The following UMODL1 variants were observed in gnomAD, a reference collection of about 807,000 sequenced individuals.
UMODL1 encodes the protein uromodulin like 1.
A neutral mutation model predicts 136.3 loss-of-function variants in UMODL1; 128 were observed. That is an observed-to-expected ratio of 0.94 (90% confidence interval 0.81 to 1.09). The LOEUF (loss-of-function observed/expected upper bound fraction) is 1.09. Ranked by LOEUF, UMODL1 falls within the 50% of genes least tolerant of loss-of-function variation. UMODL1 has a pLI of 0.00. For synonymous variants in UMODL1, 721 were observed against 720.0 expected, an observed-to-expected ratio of 1.00 and a Z score of -0.02; for missense variants, 1,766 against 1,725.6, an observed-to-expected ratio of 1.02 and a Z score of -0.41.
exon 1 of UMODL1, chr21:42,063,035 C>T (rs2066154658): frequency 6.6e-6 from 1 of 152,268 alleles, no homozygotes; most frequent in Non-Finnish European, 1.5e-5. Context: ...CCCTTCCTGG[C>T]ATCCCGGGCT....
At chr21:42,115,296 G>C (rs1024032976) in intron 13 of UMODL1, among the ~76,000 whole-genome samples, 1 of 152,220 alleles carries the variant, frequency 6.6e-6, no homozygotes, top group Non-Finnish European at 1.5e-5. Flanking sequence ...AGCCCTCTGC[G>C]GAGGGAAAAG....
chr21:42,092,292 G>A (rs2066500908), intron 6 of UMODL1, among the ~76,000 whole-genome samples: 1 of 152,194 alleles, frequency 6.6e-6, no homozygotes, highest in African/African-American at 2.4e-5. Context: ...TGGACTCCCA[G>A]GGGGTCTCTC....
At position 42,099,051 on chromosome 21, in the gene UMODL1, C is replaced by T; in HGVS notation, c.1057C>T (p.Leu353Phe). Residue 353 changes from leucine to phenylalanine, a missense_variant, in exon 7 of 23, where the codon CTC becomes TTC. By Grantham distance (22) the Leu-to-Phe change is conservative (BLOSUM62 0). Coordinates refer to ENST00000408910, the MANE Select transcript of UMODL1 (RefSeq NM_001004416.3). The surrounding 1 kb of genome is among the most constrained non-coding windows in gnomAD (Gnocchi z 4.1). ...CCGGGTTTACCGGGGTATGGAGTTG[C>T]TCAGGAGCGCCAGGACACAGAGCCA... ...HVRVYRGMEL[L>F]RSARTQSQAL... The T allele has an allele frequency of 1.9e-6, 3 of 1,614,198 alleles. No individual in the cohort carries two copies. The highest frequency in any genetic ancestry group is 2.5e-6 in the Non-Finnish European group (3 of 1,180,050).
rs2066417491 is a variant in UMODL1, at chr21:42,085,608, ATGCACACAACTGAAGCGTG to A, written c.603+198_603+216del. 1.3e-6 allele frequency: 1 copy of A among 761,096 alleles called. No individual in the cohort carries two copies. Among genetic ancestry groups the A allele is most frequent in the African/African-American group, 1.8e-5 (1 of 57,040 alleles). 47.1% of individuals were successfully genotyped at this position (761,096 alleles called of 1,614,324 possible). On this transcript the variant is annotated intron_variant, in intron 4 of 22. Coordinates refer to ENST00000408910, the MANE Select transcript of UMODL1 (RefSeq NM_001004416.3). This position sits in a 1 kb window ranked among gnomAD's most constrained non-coding sequence, Gnocchi z 4.5. ...AGAGGTATGATTTACATGCAACAAA[ATGCACACAACTGAAGCGTG>A]TAGTTGGCTGAGTTGTTATGTGTGT...
Position 42,116,520 on chromosome 21 carries a change from T to C in UMODL1, c.2475+535T>C, listed in dbSNP as rs1191717181. ...ACGGTTAGCAGACAGGAGGCACAAC[T>C]CTTCCTCTGCTGCATCCTTACTTCA... On this transcript the variant is annotated intron_variant, in intron 14 of 22. Coordinates refer to ENST00000408910, the MANE Select transcript of UMODL1 (RefSeq NM_001004416.3). Among the ~76,000 whole-genome samples the C allele has an allele frequency of 2.6e-5, 4 of 152,288 alleles. No individual in the cohort carries two copies. The East Asian group carries it at 7.7e-4, about 29-fold the overall frequency.
At chr21:42,129,593 C>T in intron 20 of UMODL1, 120 bp from the exon 21 acceptor site, 1 of 910,460 alleles carries the variant, frequency 1.1e-6, no homozygotes, top group Non-Finnish European at 1.6e-6. Context: ...GCCCCCTTGC[C>T]TTGCAACTTC....
At chr21:42,097,798 T>G (rs184838000) in intron 6 of UMODL1, among the ~76,000 whole-genome samples, 1 of 152,340 alleles carries the variant, frequency 6.6e-6, no homozygotes, top group African/African-American at 2.4e-5. Context: ...GCCCAGACAC[T>G]TGCTGTACAG....
chr21:42,135,117 G>A (rs1054202419), intron 21 of UMODL1, among the ~76,000 whole-genome samples: 9 of 152,252 alleles, frequency 5.9e-5, no homozygotes, highest in East Asian at 3.9e-4. Flanking sequence ...AATTTCAGCC[G>A]TCATTTAAAT....
At chr21:42,093,584 A>G (rs961462153) in intron 6 of UMODL1, 1 of 227,784 alleles carries the variant, frequency 4.4e-6, no homozygotes, top group African/African-American at 2.3e-5. Context: ...ACCAGTTCCC[A>G]GAGCCAGCTG....
chr21:42,065,925 G>T (rs185416316), intron 1 of UMODL1, among the ~76,000 whole-genome samples: 76 of 152,290 alleles, frequency 5.0e-4, no homozygotes, highest in African/African-American at 1.8e-3. Context: ...GCTGCCCTCC[G>T]CAGCCAGGTC....
intron 13 of UMODL1, 104 bp downstream of exon 13, chr21:42,113,934 G>A (rs1218882720): frequency 4.8e-6 from 7 of 1,444,388 alleles, no homozygotes; most frequent in Admixed American, 2.2e-5. Context: ...GGGCTGCTAG[G>A]TGTCATTGTT....
chr21:42,063,322 C>CAAGGG, intron 1 of UMODL1: 1 of 152,470 alleles, frequency 6.6e-6, no homozygotes, highest in South Asian at 2.1e-4. Context: ...GGCCAAGGGC[C>CAAGGG]CTTCACTTTC....
Position 42,127,635 on chromosome 21 carries a change from G to A in UMODL1, c.3531-37G>A, listed in dbSNP as rs180715496. The A allele has an allele frequency of 1.1e-4, 183 of 1,593,018 alleles. No individual in the cohort carries two copies. In the Admixed American group the frequency reaches 1.6e-3, roughly 14 times the overall value. ...TCTGAGAACAAGGACAGCGGGGCTC[G>A]CTGACAAGCAAGGAGTCCCATTTCC... On this transcript the variant is annotated intron_variant, in intron 19 of 22. Coordinates refer to ENST00000408910, the MANE Select transcript of UMODL1 (RefSeq NM_001004416.3).
In UMODL1 at chr21:42,101,612, C is replaced by T. The variant is rs57732668; in HGVS notation, c.1187-554C>T. On this transcript the variant is annotated intron_variant, in intron 7 of 22. Transcript: ENST00000408910. ...TTCAGTAATGAAAGATGAATATTCC[C>T]GTGTCCCATCTTGAAGCTTTTTTCC... is the stretch of plus-strand genomic sequence containing the variant. The T allele has an allele frequency of 6.8e-3, 2,907 of 427,862 alleles. 72 individuals carry two copies. Among genetic ancestry groups the T allele is most frequent in the African/African-American group, 0.054 (2,631 of 49,032 alleles). 26.5% of individuals were successfully genotyped at this position (427,862 alleles called of 1,614,324 possible).
intron 7 of UMODL1, chr21:42,101,717 T>C: frequency 2.2e-6 from 1 of 456,674 alleles, no homozygotes; most frequent in Non-Finnish European, 4.4e-6. Context: ...GAGTACGTTC[T>C]TGAGAAGTTG....
Position 42,121,925 on chromosome 21 carries a change from G to A in UMODL1, c.2827+701G>A, listed in dbSNP as rs114673093. Among the ~76,000 whole-genome samples the A allele has an allele frequency of 8.2e-3, 1,247 of 152,248 alleles. 20 individuals carry two copies. Among genetic ancestry groups the A allele is most frequent in the African/African-American group, 0.028 (1,180 of 41,538 alleles). On this transcript the variant is annotated intron_variant, in intron 16 of 22. Transcript: ENST00000408910. ...GGGCAGGGCATGGTGGGTGGGTGCC[G>A]TGGTGAGAACAGAGCTGGTGATGGG...
chr21:42,120,013 A>G (rs1345365421), intron 15 of UMODL1, among the ~76,000 whole-genome samples: 2 of 152,236 alleles, frequency 1.3e-5, no homozygotes, highest in Non-Finnish European at 2.9e-5. Context: ...TCATACAAAT[A>G]GATAAATATT....
At chr21:42,077,948 A>T (rs2066314619) in intron 2 of UMODL1, among the ~76,000 whole-genome samples, 1 of 152,170 alleles carries the variant, frequency 6.6e-6, no homozygotes, top group Non-Finnish European at 1.5e-5. Flanking sequence ...GGCCATCCTG[A>T]GTGGGCCCTC....
chr21:42,112,958 A>G (rs1490634598), intron 12 of UMODL1: 4 of 152,860 alleles, frequency 2.6e-5, no homozygotes, highest in Admixed American at 2.6e-4. Flanking sequence ...GATTCACAGC[A>G]GGAATCTGTG....
Sources: gnomAD v4.1 joint callset for allele counts (sites outside exome capture counted in the v4.1 genomes callset) on GRCh38, gnomAD v4.1.1 for gene constraint, Gnocchi (gnomAD v3.1) non-coding constraint, MANE v1.5 for transcripts, NCBI Gene and HGNC (gene_info 2026-07-23, HGNC 2026-07-21) for gene names.